Variants in WDR41 observed in about 807,000 individuals in gnomAD.
WDR41 encodes WD repeat-containing protein 41.
WDR41 carries 63 observed loss-of-function variants against 69.3 expected under a neutral mutation model. That is an observed-to-expected ratio of 0.91 (90% CI 0.74 to 1.12). The LOEUF is 1.12. WDR41 is among the 50% of genes most tolerant of loss of function. WDR41 has a pLI of 0.00. For synonymous variants in WDR41, 185 were observed against 192.1 expected (o/e 0.96, Z 0.31); for missense variants, 543 against 534.5 (o/e 1.02, Z -0.16).
chr5:77,451,366 A>G lies in WDR41; in HGVS notation c.524-13T>C, dbSNP rs756573394. ...AAAGCACTAATACCTCCAAAAACAT[A>G]TAAAACAAAGTTCAAATTATTTTTC... is the stretch of plus-strand genomic sequence containing the variant. On this transcript the variant is annotated splice_polypyrimidine_tract_variant and intron_variant, in intron 6 of 12. Transcript: ENST00000296679. 5 of 1,610,656 alleles carry G rather than the reference A, an allele frequency of 3.1e-6. No homozygotes were observed. The highest frequency in any genetic ancestry group is 1.7e-5 in the Admixed American group (1 of 59,596).
intron 1 of WDR41, among the ~76,000 whole-genome samples, chr5:77,594,441 AAG>A (rs1378804182): frequency 2.0e-5 from 3 of 152,054 alleles, no homozygotes; most frequent in Admixed American, 6.6e-5. Context: ...AAAAATAAAA[AAG>A]AAATAAAAAA....
intron 1 of WDR41, among the ~76,000 whole-genome samples, chr5:77,570,816 C>T (rs1350415791): frequency 6.6e-6 from 1 of 151,732 alleles, no homozygotes; most frequent in Non-Finnish European, 1.5e-5. Flanking sequence ...CTTAGTCATC[C>T]ATCTCTTCAG....
chr5:77,608,280 A>G (rs552160688), intron 1 of WDR41, among the ~76,000 whole-genome samples: 25 of 152,332 alleles, frequency 1.6e-4, no homozygotes, highest in Non-Finnish European at 2.1e-4. Context: ...ATAATATTCC[A>G]TTGTAAAATG....
intron 1 of WDR41, among the ~76,000 whole-genome samples, chr5:77,490,603 C>T (rs1367067755): frequency 6.8e-6 from 1 of 146,152 alleles, no homozygotes; most frequent in Non-Finnish European, 1.5e-5. Context: ...AAAAAAAAAA[C>T]CACCACCACA....
chr5:77,445,234 G>C (rs1799332421), intron 8 of WDR41, among the ~76,000 whole-genome samples: 1 of 152,146 alleles, frequency 6.6e-6, no homozygotes, highest in Non-Finnish European at 1.5e-5. Flanking sequence ...CCAGTAAGAA[G>C]TCGAATCCCT....
chr5:77,613,056 A>G (rs1744595723), intron 1 of WDR41, among the ~76,000 whole-genome samples: 1 of 150,352 alleles, frequency 6.7e-6, no homozygotes, highest in Admixed American at 6.6e-5. Flanking sequence ...TGCTTCAAAG[A>G]GAATAAAATA....
intron 1 of WDR41, among the ~76,000 whole-genome samples, chr5:77,574,639 G>A (rs1308022887): frequency 4.6e-5 from 7 of 152,146 alleles, no homozygotes; most frequent in African/African-American, 1.7e-4. Context: ...TAAATAGTAT[G>A]GACACAGTAA....
At chr5:77,450,358 T>C (rs1038357414) in intron 7 of WDR41, among the ~76,000 whole-genome samples, 1 of 152,228 alleles carries the variant, frequency 6.6e-6, no homozygotes, top group East Asian at 1.9e-4. Context: ...CCTAGGCATA[T>C]ACCATTAAAT....
At chr5:77,467,763 T>C (rs72769064) in intron 2 of WDR41, among the ~76,000 whole-genome samples, 2,757 of 152,144 alleles carry the variant, frequency 0.018, 34 homozygotes, top group Middle Eastern at 0.061. Flanking sequence ...GTGAAATAGA[T>C]TGATTAATGA....
intron 2 of WDR41, among the ~76,000 whole-genome samples, chr5:77,485,772 T>G (rs2112096210): frequency 6.6e-6 from 1 of 152,318 alleles, no homozygotes; most frequent in Non-Finnish European, 1.5e-5. Flanking sequence ...AAGGCAGCTG[T>G]CTGTTAGGTT....
At chr5:77,496,252 G>A (rs976387696), upstream of WDR41, among the ~76,000 whole-genome samples, 18 of 152,044 alleles carry the variant, frequency 1.2e-4, no homozygotes, top group African/African-American at 4.3e-4. Context: ...ACACTGTATT[G>A]GAAGTTCTTG....
At chr5:77,567,664 A>T (rs1239926836) in intron 1 of WDR41, among the ~76,000 whole-genome samples, 2 of 55,742 alleles carry the variant, frequency 3.6e-5, no homozygotes, top group Admixed American at 1.7e-4. Context: ...ACCAAATAGT[A>T]AAAAAAAAAA....
At chr5:77,447,188 A>G (rs1799419200) in intron 8 of WDR41, among the ~76,000 whole-genome samples, 1 of 152,272 alleles carries the variant, frequency 6.6e-6, no homozygotes, top group South Asian at 2.1e-4. Flanking sequence ...ATCATTAGAG[A>G]AATGCAAATC....
intron 1 of WDR41, among the ~76,000 whole-genome samples, chr5:77,578,864 C>CAAAAAAAAAAAA (rs55920763): frequency 1.3e-4 from 10 of 77,156 alleles, no homozygotes; most frequent in East Asian, 7.0e-4. Flanking sequence ...AACTCCATCT[C>CAAAAAAAAAAAA]AAAAAAAAAA....
chr5:77,566,947 T>C (rs2112266804), intron 1 of WDR41, among the ~76,000 whole-genome samples: 1 of 152,218 alleles, frequency 6.6e-6, no homozygotes, highest in East Asian at 1.9e-4. Flanking sequence ...TTCATGTTAA[T>C]GGGAAAAAAT....
At chr5:77,580,846 C>T (rs1561230105) in intron 1 of WDR41, among the ~76,000 whole-genome samples, 1 of 151,838 alleles carries the variant, frequency 6.6e-6, no homozygotes, top group East Asian at 1.9e-4. Context: ...TTCCCAGCTA[C>T]TTGGGAGGCT....
At chr5:77,592,827 A>C (rs1744156524) in intron 1 of WDR41, among the ~76,000 whole-genome samples, 1 of 152,204 alleles carries the variant, frequency 6.6e-6, no homozygotes, top group African/African-American at 2.4e-5. Flanking sequence ...TCACATAGGT[A>C]TGGAGAACCC....
intron 1 of WDR41, among the ~76,000 whole-genome samples, chr5:77,564,708 T>A (rs1743588916): frequency 6.6e-6 from 1 of 152,114 alleles, no homozygotes; most frequent in Admixed American, 6.6e-5. Context: ...AACCACCAAC[T>A]CTATCCCAGT....
intron 4 of WDR41, among the ~76,000 whole-genome samples, chr5:77,459,441 A>T (rs1310700148): frequency 6.6e-6 from 1 of 152,168 alleles, no homozygotes; most frequent in East Asian, 1.9e-4. Context: ...TTTATTCTCC[A>T]GAATAGCCCA....
Sources: allele counts gnomAD v4.1 joint callset (sites outside exome capture counted in the v4.1 genomes callset), GRCh38; gene constraint gnomAD v4.1.1; transcripts MANE v1.5; gene names NCBI Gene and HGNC (gene_info 2026-07-23, HGNC 2026-07-21).